Variants in SCLY observed in about 807,000 individuals in gnomAD.
The protein encoded by SCLY is putative selenocysteine lyase.
Under a neutral mutation model 50.1 loss-of-function variants are expected in SCLY, and 38 were observed. The observed-to-expected ratio is 0.76, with a 90% confidence interval of 0.59 to 0.99. The LOEUF is 0.99. SCLY is among the 50% of genes least tolerant of loss of function. SCLY has a pLI of 0.00. For synonymous variants in SCLY, 243 were observed against 249.4 expected (o/e 0.97, Z 0.24); for missense variants, 600 against 620.0 (o/e 0.97, Z 0.34).
chr2:238,091,535 A>C, intron 8 of SCLY: 1 of 395,012 alleles, frequency 2.5e-6, no homozygotes, highest in Non-Finnish European at 4.7e-6. Flanking sequence ...GTGAAGTGTC[A>C]AGCTGCAGGT....
rs1281302494 is a variant in SCLY, at chr2:238,098,501, C to CCCCCAGTTTCCTTCCCTGGA, written c.*151_*170dup. On this transcript the variant is annotated 3_prime_UTR_variant, in exon 12 of 12. Coordinates refer to ENST00000254663, the MANE Select transcript of SCLY (RefSeq NM_016510.7). ...GTCCTGGAGTGCCAGCGAGTGTGCA[C>CCCCCAGTTTCCTTCCCTGGA]CCCCAGTTTCCTTCCCTGGACCCCT... 1.2e-5 allele frequency: 11 copies of CCCCCAGTTTCCTTCCCTGGA among 923,756 alleles called. No homozygotes were observed. The highest frequency in any genetic ancestry group is 1.7e-5 in the Non-Finnish European group (11 of 635,152). The allele number at this position is 923,756 out of a possible 1,614,324, so 57.2% of individuals were successfully genotyped here. A position where few individuals can be genotyped will look rare whatever the true frequency, so the allele number is the denominator to read the frequency against.
rs74342914 is a variant in SCLY at position 238,091,598 on chromosome 2, G to A, written c.921+344G>A. The A allele has an allele frequency of 7.3e-3, 2,315 of 317,462 alleles. 65 individuals carry two copies. In the East Asian group the frequency reaches 0.079, roughly 11 times the overall value. 19.7% of individuals were successfully genotyped at this position (317,462 alleles called of 1,614,324 possible). On this transcript the variant is annotated intron_variant, in intron 8 of 11. Coordinates refer to ENST00000254663, the MANE Select transcript of SCLY (RefSeq NM_016510.7). Reference sequence around the variant, plus strand: ...CCCGCACCATCGACGTTCTGTCCCCGATTGGTCTGTGGGGTGGCCAATCCA... The same window carrying A: ...CCCGCACCATCGACGTTCTGTCCCCAATTGGTCTGTGGGGTGGCCAATCCA...
Position 238,061,113 on chromosome 2 carries a change from G to A in SCLY, c.59G>A (p.Ser20Asn). The A allele has an allele frequency of 6.9e-7, 1 of 1,446,530 alleles. No homozygotes were observed. Among genetic ancestry groups the A allele is most frequent in the Non-Finnish European group, 9.0e-7 (1 of 1,106,832 alleles). 89.6% of individuals were successfully genotyped at this position (1,446,530 alleles called of 1,614,324 possible). A position where few individuals can be genotyped will look rare whatever the true frequency, so the allele number is the denominator to read the frequency against. Residue 20 changes from serine (S) to asparagine (N), a missense_variant, in exon 1 of 12, where the codon AGC (serine) becomes AAC (asparagine). Physicochemically the swap from Ser to Asn is conservative, Grantham distance 46. Transcript: ENST00000254663. ...CCGGCACCCGCGGCGAGTCAGCCCA[G>A]CGGCTGCGGGAAACACAACTCGCCG... is the stretch of plus-strand genomic sequence containing the variant. Reference protein sequence around the residue: ...DAPAPAASQPSGCGKHNSPER... With the variant: ...DAPAPAASQPNGCGKHNSPER...
At chr2:238,082,344 T>C (rs2249077) in intron 6 of SCLY, 135 bp downstream of exon 6, 687,481 of 816,116 alleles carry the variant, frequency 0.84, 290,987 homozygotes, top group East Asian at 0.98. Context: ...CGTGGGATCC[T>C]TGTCCTCAGG....
At position 238,065,660 on chromosome 2, in the gene SCLY, T is replaced by TTTTTTTTTATTA. The variant is rs71402758; in HGVS notation, c.202+1193_202+1194insTTTTTTATTATT. On this transcript the variant is annotated intron_variant, in intron 2 of 11. Coordinates refer to ENST00000254663, the MANE Select transcript of SCLY (RefSeq NM_016510.7). ...GTTATTTAAACTAATAATATTTTAT[T>TTTTTTTTTATTA]TTATTATTATTATTATTATTATTAT... 1.3e-3 allele frequency among the ~76,000 whole-genome samples: 193 copies of TTTTTTTTTATTA among 143,504 alleles called. 5 individuals are homozygous for TTTTTTTTTATTA. Among genetic ancestry groups the TTTTTTTTTATTA allele is most frequent in the Admixed American group, 6.2e-3 (89 of 14,410 alleles). The allele number at this position is 143,504 out of a possible 152,430, so 94.1% of individuals were successfully genotyped here.
rs1691349527 is a variant in SCLY at position 238,098,654 on chromosome 2, C to CCCACATGGGACCGT, written c.*305_*306insGGGACCGTCCACAT. On this transcript the variant is annotated 3_prime_UTR_variant, in exon 12 of 12. Transcript: ENST00000254663. ...ACATGGGACCGCCCACATGGGACCG[C>CCCACATGGGACCGT]CCACATAGAACCGTCCTCCAGTGGT... The CCCACATGGGACCGT allele has an allele frequency of 1.2e-5, 5 of 431,894 alleles. No individual in the cohort carries two copies. Among genetic ancestry groups the CCCACATGGGACCGT allele is most frequent in the African/African-American group, 8.9e-5 (4 of 45,080 alleles). The allele number at this position is 431,894 out of a possible 1,614,324, so 26.8% of individuals were successfully genotyped here.
At chr2:238,098,045 G>A in intron 11 of SCLY, 157 bp from the exon 12 acceptor site, 2 of 798,344 alleles carry the variant, frequency 2.5e-6, no homozygotes, top group Non-Finnish European at 3.9e-6. Flanking sequence ...TTAGGGGTGT[G>A]CTTGGTCTGG....
At chr2:238,087,432 A>G (rs1361874043) in intron 7 of SCLY, among the ~76,000 whole-genome samples, 1 of 152,236 alleles carries the variant, frequency 6.6e-6, no homozygotes, top group African/African-American at 2.4e-5. Context: ...CTCAAAAAAC[A>G]CAAACTACCA....
At chr2:238,070,696 A>G (rs1034043161) in intron 4 of SCLY, among the ~76,000 whole-genome samples, 2 of 152,040 alleles carry the variant, frequency 1.3e-5, no homozygotes, top group African/African-American at 4.8e-5. Flanking sequence ...AATTTATAAC[A>G]TTCTGTTTGT....
intron 7 of SCLY, among the ~76,000 whole-genome samples, chr2:238,089,293 C>T (rs1267106790): frequency 6.6e-5 from 10 of 152,082 alleles, no homozygotes; most frequent in Admixed American, 6.5e-4. Context: ...TTGGAAGATT[C>T]TACATACCAA....
In SCLY at chr2:238,069,515, G is replaced by A. The variant is rs1162176318; in HGVS notation, c.484+38G>A. The A allele has an allele frequency of 6.4e-7, 1 of 1,550,890 alleles. No homozygotes were observed. Among genetic ancestry groups the A allele is most frequent in the East Asian group, 2.3e-5 (1 of 43,484 alleles). ...AGGGTGGCCCTGGGACCAGCCTGCT[G>A]AGCTCCAGCTGCGAGGCGGGAAGTG... On this transcript the variant is annotated intron_variant, in intron 4 of 11. Coordinates refer to ENST00000254663, the MANE Select transcript of SCLY (RefSeq NM_016510.7). The surrounding 1 kb of genome is among the most constrained non-coding windows in gnomAD (Gnocchi z 5.0).
Position 238,082,168 on chromosome 2 carries a change from G to A in SCLY, c.736G>A (p.Glu246Lys). The A allele has an allele frequency of 6.2e-7, 1 of 1,611,844 alleles. No individual in the cohort carries two copies. The highest frequency in any genetic ancestry group is 8.5e-7 in the Non-Finnish European group (1 of 1,179,568). The change falls in exon 6 of 12, where the codon GAG (glutamate) becomes AAG (lysine). Residue 246 changes from glutamate (E) to lysine (K), a missense_variant. Coordinates refer to ENST00000254663, the MANE Select transcript of SCLY (RefSeq NM_016510.7). ...QALGKQRVDV[E>K]DLGVDFLTIV... is the part of the protein sequence containing the mutation. ...CTTGGGGAAGCAGCGCGTGGATGTG[G>A]AGGACCTGGGCGTGGACTTCCTTAC...
intron 6 of SCLY, chr2:238,082,855 T>C (rs1232262229): frequency 3.2e-6 from 1 of 307,726 alleles, no homozygotes; most frequent in Non-Finnish European, 6.5e-6. Flanking sequence ...AAACATGGAA[T>C]CATTTGCAGG....
At position 238,098,577 on chromosome 2, in the gene SCLY, G is replaced by GGGAACGCCCACATAGGACCGCCCACATA. The variant is rs1559254371; in HGVS notation, c.*225_*226insACGCCCACATAGGACCGCCCACATAGGA. ...CAACGCCGCATAGGACTGCCCACAT[G>GGGAACGCCCACATAGGACCGCCCACATA]GGACCGCCCACATAGGACCGCCCAC... is the stretch of plus-strand genomic sequence containing the variant. On this transcript the variant is annotated 3_prime_UTR_variant, in exon 12 of 12. Coordinates refer to ENST00000254663, the MANE Select transcript of SCLY (RefSeq NM_016510.7). The GGGAACGCCCACATAGGACCGCCCACATA allele has an allele frequency of 1.5e-5, 5 of 337,074 alleles. 1 individual carries two copies. Among genetic ancestry groups the GGGAACGCCCACATAGGACCGCCCACATA allele is most frequent in the African/African-American group, 1.4e-4 (3 of 21,852 alleles). 20.9% of individuals were successfully genotyped at this position (337,074 alleles called of 1,614,324 possible). A position where few individuals can be genotyped will look rare whatever the true frequency, so the allele number is the denominator to read the frequency against.
At chr2:238,061,172 G>A in intron 1 of SCLY, 29 bp downstream of exon 1, 1 of 1,458,744 alleles carries the variant, frequency 6.9e-7, no homozygotes. Context: ...GGGCTGGGGA[G>A]CGGCCGGCGC....
chr2:238,065,902 T>C (rs997830001), intron 2 of SCLY, among the ~76,000 whole-genome samples: 1 of 152,062 alleles, frequency 6.6e-6, no homozygotes, highest in Non-Finnish European at 1.5e-5. Context: ...CTTGAACTCC[T>C]GACCTTGTGA....
chr2:238,091,091 C>T, intron 7 of SCLY, 127 bp from the exon 8 acceptor site: 1 of 875,798 alleles, frequency 1.1e-6, no homozygotes, highest in Non-Finnish European at 1.9e-6. Flanking sequence ...TTGAGATAGC[C>T]ACATGGCGCG....
At chr2:238,076,166 A>C (rs1470234148) in intron 4 of SCLY, among the ~76,000 whole-genome samples, 2 of 148,738 alleles carry the variant, frequency 1.3e-5, no homozygotes, top group Non-Finnish European at 3.0e-5. Flanking sequence ...ATCTCAGCTT[A>C]CTGCAACCTC....
rs189743484 is a variant in SCLY at position 238,067,122 on chromosome 2, G to T, written c.203-943G>T. ...AACCATTATCACTGAGAGAGGGAAG[G>T]CTGAGAGTGAGGGTGACAGTTTATT... On this transcript the variant is annotated intron_variant, in intron 2 of 11. Transcript: ENST00000254663. This position sits in a 1 kb window ranked among gnomAD's most constrained non-coding sequence, Gnocchi z 4.3. Among the ~76,000 whole-genome samples the T allele has an allele frequency of 6.6e-6, 1 of 152,270 alleles. No homozygotes were observed. Among genetic ancestry groups the T allele is most frequent in the Admixed American group, 6.5e-5 (1 of 15,292 alleles).
Sources: allele counts gnomAD v4.1 joint callset (sites outside exome capture counted in the v4.1 genomes callset), GRCh38; gene constraint gnomAD v4.1.1; non-coding constraint Gnocchi (gnomAD v3.1); transcripts MANE v1.5; gene names NCBI Gene and HGNC (gene_info 2026-07-23, HGNC 2026-07-21).